Variants in LRRD1 observed in about 807,000 individuals in gnomAD.
LRRD1 encodes the protein leucine-rich repeat and death domain-containing protein 1.
A neutral mutation model predicts 69.5 loss-of-function variants in LRRD1; 49 were observed. That is an observed-to-expected ratio of 0.70 (90% CI 0.56 to 0.89). LRRD1 has a LOEUF of 0.89. Ranked by LOEUF, LRRD1 falls within the 40% of genes least tolerant of loss-of-function variation. LRRD1 has a pLI of 0.00. For missense variants in LRRD1, 853 were observed against 956.0 expected (o/e 0.89, Z 1.42); for synonymous variants, 303 against 338.9 (o/e 0.89, Z 1.16).
rs189029116 is a variant in LRRD1, at chr7:92,159,110, C to T, written c.2011G>A (p.Gly671Arg). ...AAACTAACCAAATTTCTCAATTCTC[C>T]TATATTTCTTGGAATCTCTCTGATT... is the stretch of plus-strand genomic sequence containing the variant. ...NAIREIPRNI[G>R]ELRNLVSLHA... The change falls in exon 3 of 6, where the codon GGA becomes AGA. Residue 671 changes from glycine (G) to arginine (R), a missense_variant. By Grantham distance (125) the Gly-to-Arg change is moderately radical (BLOSUM62 -2). Around this residue, in one of 3 missense-constraint regions of LRRD1, gnomAD observed 739 missense variants for 808.0 expected, o/e 0.91. Coordinates refer to ENST00000458448, the MANE Select transcript of LRRD1 (RefSeq NM_001161528.2). 4.7e-5 allele frequency: 73 copies of T among 1,547,748 alleles called. No homozygotes were observed. Among genetic ancestry groups the T allele is most frequent in the Non-Finnish European group, 6.3e-5 (72 of 1,145,156 alleles).
intron 2 of LRRD1, among the ~76,000 whole-genome samples, chr7:92,160,640 C>T (rs1244032526): frequency 6.6e-6 from 1 of 152,028 alleles, no homozygotes; most frequent in Non-Finnish European, 1.5e-5. Context: ...TGGTGAAACC[C>T]CGTCTCTACT....
chr7:92,166,415 G>T (rs547898196), intron 1 of LRRD1, among the ~76,000 whole-genome samples: 1 of 152,238 alleles, frequency 6.6e-6, no homozygotes, highest in East Asian at 1.9e-4. Flanking sequence ...GAAAAAGAGG[G>T]AACATTTTCC....
intron 1 of LRRD1, among the ~76,000 whole-genome samples, chr7:92,175,154 T>G (rs1789164872): frequency 6.6e-6 from 1 of 152,216 alleles, no homozygotes; most frequent in African/African-American, 2.4e-5. Context: ...ATATGTAGTT[T>G]ATGGTCTTAT....
chr7:92,163,471 A>C lies in LRRD1; in HGVS notation c.1732T>G (p.Leu578Val), dbSNP rs948771140. 2.6e-6 allele frequency: 4 copies of C among 1,541,424 alleles called. No homozygotes were observed. The highest frequency in any genetic ancestry group is 1.2e-5 in the South Asian group (1 of 82,710). Residue 578 changes from leucine to valine, a missense_variant, in exon 2 of 6, where the codon TTA becomes GTA. Transcript: ENST00000458448. Reference protein sequence around the residue: ...FETFPRELCTLENLQVLDLSE... With the variant: ...FETFPRELCTVENLQVLDLSE... ...AGATCAAGTACTTGCAAATTTTCTA[A>C]AGTACACAATTCTCTAGGGAAAGTT...
rs1563195897 is a variant in LRRD1, at chr7:92,174,511, T to TATATATATGTATATA, written c.-75+4495_-75+4496insTATATACATATATAT. ...TATATATATATATATATATATATAT[T>TATATATATGTATATA]TTTTTTTTTTTTTTTTTTTTTTTTT... On this transcript the variant is annotated intron_variant, in intron 1 of 5. Coordinates refer to ENST00000458448, the MANE Select transcript of LRRD1 (RefSeq NM_001161528.2). Among the ~76,000 whole-genome samples, 6 of 26,706 alleles carry TATATATATGTATATA rather than the reference T, an allele frequency of 2.2e-4. 1 individual carries two copies. The highest frequency in any genetic ancestry group is 2.0e-4 in the Non-Finnish European group (3 of 14,804). The allele number at this position is 26,706 out of a possible 152,430, so 17.5% of individuals were successfully genotyped here.
intron 1 of LRRD1, among the ~76,000 whole-genome samples, chr7:92,176,683 C>T (rs1406137261): frequency 6.6e-6 from 1 of 151,946 alleles, no homozygotes; most frequent in Admixed American, 6.6e-5. Context: ...CCTGCCTCAG[C>T]CTCCTGAGTA....
intron 1 of LRRD1, among the ~76,000 whole-genome samples, chr7:92,165,789 A>AGGCAGAGG (rs2131011052): frequency 7.0e-6 from 1 of 142,650 alleles, no homozygotes; most frequent in South Asian, 2.3e-4. Flanking sequence ...TGAACCCGGG[A>AGGCAGAGG]GGCAGAGGTT....
At chr7:92,160,098 G>A (rs1015089388) in intron 2 of LRRD1, among the ~76,000 whole-genome samples, 2 of 152,156 alleles carry the variant, frequency 1.3e-5, no homozygotes, top group African/African-American at 4.8e-5. Flanking sequence ...ACTATAAAAA[G>A]TGTTGCAAAA....
chr7:92,150,489 T>TA, intron 4 of LRRD1, 45 bp downstream of exon 4: 1 of 1,423,802 alleles, frequency 7.0e-7, no homozygotes, highest in Non-Finnish European at 9.3e-7. Context: ...TAAAATAAAA[T>TA]AAAAAAGAAA....
At chr7:92,152,764 G>A (rs564794573) in intron 3 of LRRD1, among the ~76,000 whole-genome samples, 1 of 151,138 alleles carries the variant, frequency 6.6e-6, no homozygotes, top group East Asian at 1.9e-4. Flanking sequence ...TCCACCTCCC[G>A]GGTTCAAGCA....
intron 1 of LRRD1, among the ~76,000 whole-genome samples, chr7:92,174,713 G>A (rs1260673668): frequency 1.3e-5 from 2 of 148,926 alleles, no homozygotes; most frequent in African/African-American, 2.5e-5. Flanking sequence ...TCACCATGAC[G>A]TCCGGTCCTA....
At position 92,150,705 on chromosome 7, in the gene LRRD1, A is replaced by G; in HGVS notation, c.2117-10T>C. ...GCTGTCAGATTATTTCCTAGTAGAAAAAAATTAGAATTGAATTACATCTTT... is the reference window on the plus strand; with the variant it reads ...GCTGTCAGATTATTTCCTAGTAGAAGAAAATTAGAATTGAATTACATCTTT... On this transcript the variant is annotated splice_polypyrimidine_tract_variant and intron_variant, in intron 3 of 5. Transcript: ENST00000458448. 6.6e-7 allele frequency: 1 copy of G among 1,508,392 alleles called. No homozygotes were observed. Among genetic ancestry groups the G allele is most frequent in the Non-Finnish European group, 9.0e-7 (1 of 1,116,188 alleles). The allele number at this position is 1,508,392 out of a possible 1,614,324, so 93.4% of individuals were successfully genotyped here.
intron 3 of LRRD1, among the ~76,000 whole-genome samples, chr7:92,151,710 A>T (rs866932093): frequency 1.3e-5 from 2 of 152,250 alleles, no homozygotes; most frequent in Middle Eastern, 6.8e-3. Flanking sequence ...GCACTTTGGG[A>T]GGCCGAGGTG....
In LRRD1 at chr7:92,159,106, TCTC is replaced by T; in HGVS notation, c.2012_2014del (p.Gly671del). The T allele has an allele frequency of 6.5e-7, 1 of 1,548,158 alleles. No individual in the cohort carries two copies. The highest frequency in any genetic ancestry group is 8.7e-7 in the Non-Finnish European group (1 of 1,145,462). On this transcript the variant is annotated inframe_deletion, in exon 3 of 6. Transcript: ENST00000458448. Reference sequence around the variant, plus strand: ...ATGTAAACTAACCAAATTTCTCAATTCTCCTATATTTCTTGGAATCTCTCTGAT... The same window carrying T: ...ATGTAAACTAACCAAATTTCTCAATTCTATATTTCTTGGAATCTCTCTGAT...
chr7:92,153,760 T>C (rs1788582427), intron 3 of LRRD1, among the ~76,000 whole-genome samples: 5 of 151,248 alleles, frequency 3.3e-5, no homozygotes, highest in Admixed American at 3.3e-4. Flanking sequence ...AGGCAGAAGC[T>C]GCAGTGAGCC....
At chr7:92,147,920 T>G (rs762089351) in intron 4 of LRRD1, among the ~76,000 whole-genome samples, 1 of 152,074 alleles carries the variant, frequency 6.6e-6, no homozygotes, top group Non-Finnish European at 1.5e-5. Flanking sequence ...TAATTTTTAT[T>G]TATTTACTTA....
intron 1 of LRRD1, among the ~76,000 whole-genome samples, chr7:92,169,184 G>A (rs1365373261): frequency 6.6e-6 from 1 of 151,996 alleles, no homozygotes; most frequent in Non-Finnish European, 1.5e-5. Flanking sequence ...CTCCCAAAGT[G>A]CTGGGATTAT....
chr7:92,173,651 A>G (rs544077923), intron 1 of LRRD1, among the ~76,000 whole-genome samples: 87 of 152,336 alleles, frequency 5.7e-4, no homozygotes, highest in Non-Finnish European at 1.1e-3. Context: ...GCCAGTTAAA[A>G]TGGTTTTCAT....
intron 2 of LRRD1, among the ~76,000 whole-genome samples, chr7:92,162,846 A>G (rs1007652933): frequency 1.3e-5 from 2 of 152,178 alleles, no homozygotes; most frequent in Non-Finnish European, 2.9e-5. Context: ...ATAATTCCTT[A>G]TAAAACCATA....
Sources: allele counts gnomAD v4.1 joint callset (sites outside exome capture counted in the v4.1 genomes callset), GRCh38; gene constraint gnomAD v4.1.1; regional missense constraint gnomAD v4.1.1; transcripts MANE v1.5; gene names NCBI Gene and HGNC (gene_info 2026-07-23, HGNC 2026-07-21).